The following RABGAP1 variants were observed in gnomAD, a reference collection of about 807,000 sequenced individuals.
The protein encoded by RABGAP1 is rab GTPase-activating protein 1.
RABGAP1 carries 23 observed loss-of-function variants against 137.6 expected under a neutral mutation model. The observed-to-expected ratio is 0.17, with a 90% CI of 0.12 to 0.24. The LOEUF (loss-of-function observed/expected upper bound fraction) is 0.24. Ranked by LOEUF, RABGAP1 falls within the 10% of genes least tolerant of loss-of-function variation. The pLI is 1.00. For missense variants in RABGAP1, 906 were observed against 1,275.8 expected (o/e 0.71, Z 4.42); for synonymous variants, 451 against 450.7 (o/e 1.00, Z -0.01).
At chr9:123,029,378 C>G in intron 13 of RABGAP1, 1 of 1,162,602 alleles carries the variant, frequency 8.6e-7, no homozygotes, top group Non-Finnish European at 1.3e-6. Flanking sequence ...TGGACCTGTT[C>G]ATGCATCTTC....
intron 6 of RABGAP1, among the ~76,000 whole-genome samples, chr9:122,992,442 C>G (rs146120564): frequency 1.3e-3 from 193 of 152,146 alleles, no homozygotes; most frequent in African/African-American, 4.2e-3. Context: ...AACTTCCCTT[C>G]CTTCTGAAAT....
At chr9:123,027,973 C>T (rs899868317) in intron 13 of RABGAP1, among the ~76,000 whole-genome samples, 10 of 152,138 alleles carry the variant, frequency 6.6e-5, no homozygotes, top group African/African-American at 2.4e-4. Context: ...ATATCTTATC[C>T]CTGTGAAGTT....
intron 17 of RABGAP1, among the ~76,000 whole-genome samples, chr9:123,075,683 A>C (rs2132156810): frequency 6.6e-6 from 1 of 152,336 alleles, no homozygotes; most frequent in South Asian, 2.1e-4. Context: ...AATTTACATA[A>C]ACTTTTCAGC....
intron 21 of RABGAP1, among the ~76,000 whole-genome samples, chr9:123,092,536 G>C (rs2132221498): frequency 6.6e-6 from 1 of 150,632 alleles, no homozygotes; most frequent in South Asian, 2.1e-4. Context: ...GCAGAGCCAG[G>C]CCCATGGAAC....
At chr9:123,050,272 G>C (rs771494392) in intron 13 of RABGAP1, among the ~76,000 whole-genome samples, 1 of 152,212 alleles carries the variant, frequency 6.6e-6, no homozygotes, top group Non-Finnish European at 1.5e-5. Context: ...AATGTATAGA[G>C]ATCAGTTTAC....
intron 2 of RABGAP1, among the ~76,000 whole-genome samples, chr9:122,959,719 G>T (rs10118139): frequency 0.11 from 16,525 of 152,206 alleles, 2,901 homozygotes; most frequent in African/African-American, 0.37. Context: ...AAGAATCCCT[G>T]TCCCCCATCA....
chr9:123,067,990 A>G (rs2034232645), intron 14 of RABGAP1, among the ~76,000 whole-genome samples: 1 of 152,220 alleles, frequency 6.6e-6, no homozygotes, highest in African/African-American at 2.4e-5. Context: ...AGAAGAATAC[A>G]TCAACTCTGT....
intron 19 of RABGAP1, among the ~76,000 whole-genome samples, chr9:123,087,992 T>C (rs1109697): frequency 0.016 from 2,418 of 152,224 alleles, 36 homozygotes; most frequent in South Asian, 0.066. Context: ...GTCAGCACTT[T>C]AGTGCTGATT....
At chr9:123,100,641 G>A (rs1180292297) in intron 24 of RABGAP1, among the ~76,000 whole-genome samples, 1 of 152,062 alleles carries the variant, frequency 6.6e-6, no homozygotes. Flanking sequence ...GGCTGGTCTC[G>A]AACTCCTGAG....
intron 14 of RABGAP1, among the ~76,000 whole-genome samples, chr9:123,069,909 G>A (rs529415017): frequency 1.3e-5 from 2 of 152,174 alleles, no homozygotes; most frequent in African/African-American, 2.4e-5. Context: ...ATGCAATGTG[G>A]TAATAATATA....
chr9:122,936,588 T>G (rs1476037154), upstream of RABGAP1, among the ~76,000 whole-genome samples: 1 of 152,184 alleles, frequency 6.6e-6, no homozygotes, highest in Non-Finnish European at 1.5e-5. Flanking sequence ...TGGTGCGGCT[T>G]GCTGGAGGCT....
chr9:122,970,704 T>C (rs1326454360), intron 2 of RABGAP1, among the ~76,000 whole-genome samples: 3 of 152,196 alleles, frequency 2.0e-5, no homozygotes, highest in African/African-American at 7.2e-5. Flanking sequence ...TAAAAGTCTG[T>C]CACTATTCCA....
intron 1 of RABGAP1, among the ~76,000 whole-genome samples, chr9:122,944,599 T>A (rs1447040396): frequency 6.6e-6 from 1 of 151,796 alleles, no homozygotes; most frequent in African/African-American, 2.4e-5. Flanking sequence ...CGATATCAGC[T>A]CACTGCATCC....
intron 19 of RABGAP1, among the ~76,000 whole-genome samples, chr9:123,089,255 A>G (rs978548902): frequency 2.6e-5 from 4 of 152,276 alleles, no homozygotes; most frequent in South Asian, 2.1e-4. Flanking sequence ...ATGGAGTCCA[A>G]CTGCCAGGGC....
At chr9:123,025,017 G>A (rs910781693) in intron 13 of RABGAP1, among the ~76,000 whole-genome samples, 12 of 152,008 alleles carry the variant, frequency 7.9e-5, no homozygotes, top group African/African-American at 2.9e-4. Context: ...TGTAAATGTG[G>A]TTTCCAACAT....
At chr9:123,069,697 G>A (rs1189963852) in intron 14 of RABGAP1, among the ~76,000 whole-genome samples, 5 of 151,984 alleles carry the variant, frequency 3.3e-5, no homozygotes, top group African/African-American at 9.7e-5. Flanking sequence ...CCTGGGCAAC[G>A]TAGTTGAGAT....
At chr9:123,086,614 C>T (rs921730201) in intron 19 of RABGAP1, among the ~76,000 whole-genome samples, 1 of 133,548 alleles carries the variant, frequency 7.5e-6, no homozygotes, top group Non-Finnish European at 1.5e-5. Flanking sequence ...ACCCATGCTG[C>T]AAAAGTCAGC....
chr9:123,004,325 C>A (rs377047465), intron 10 of RABGAP1, among the ~76,000 whole-genome samples: 67 of 152,104 alleles, frequency 4.4e-4, no homozygotes, highest in South Asian at 1.2e-3. Flanking sequence ...CTTCACTCTG[C>A]AGCCCAGCCT....
intron 13 of RABGAP1, among the ~76,000 whole-genome samples, chr9:123,043,266 C>T (rs1426520720): frequency 6.6e-6 from 1 of 152,068 alleles, no homozygotes; most frequent in Non-Finnish European, 1.5e-5. Flanking sequence ...AAACAATTCC[C>T]ACAGGAAGGA....
Sources: allele counts gnomAD v4.1 joint callset (sites outside exome capture counted in the v4.1 genomes callset), GRCh38; gene constraint gnomAD v4.1.1; transcripts MANE v1.5; gene names NCBI Gene and HGNC (gene_info 2026-07-23, HGNC 2026-07-21).